The following CADM2 variants were observed in gnomAD, a reference collection of about 807,000 sequenced individuals.
CADM2 encodes the protein cell adhesion molecule 2.
In CADM2, 12 loss-of-function variants were observed where a neutral mutation model predicts 49.8. The ratio of observed to expected loss-of-function variants is 0.24; its 90% confidence interval spans 0.15 to 0.39. CADM2 has a LOEUF of 0.39. Among genes scored for constraint, CADM2 ranks in the 10% least tolerant of loss-of-function variants. CADM2 has a pLI of 1.00. For missense variants in CADM2, 378 were observed against 492.3 expected (o/e 0.77, Z 2.20); for synonymous variants, 214 against 175.4 (o/e 1.22, Z -1.74).
chr3:84,972,701 C>A (rs1050259085), intron 1 of CADM2, among the ~76,000 whole-genome samples: 1 of 151,992 alleles, frequency 6.6e-6, no homozygotes, highest in Non-Finnish European at 1.5e-5. Flanking sequence ...TCTTCATAGC[C>A]TTTGGTTTTC....
At chr3:85,856,522 A>G (rs1028485934) in intron 3 of CADM2, among the ~76,000 whole-genome samples, 2 of 152,200 alleles carry the variant, frequency 1.3e-5, no homozygotes, top group African/African-American at 2.4e-5. Flanking sequence ...CAGAAGCATC[A>G]TAGGCTATTT....
chr3:85,347,507 ATATACACACATATATATAAATG>A (rs2030812897), intron 1 of CADM2, among the ~76,000 whole-genome samples: 2 of 145,720 alleles, frequency 1.4e-5, no homozygotes, highest in East Asian at 2.0e-4. Flanking sequence ...ATATAAATAT[ATATACACACATATATATAAATG>A]TATACACACA....
intron 1 of CADM2, among the ~76,000 whole-genome samples, chr3:85,527,651 G>C (rs1016312324): frequency 8.6e-5 from 13 of 151,432 alleles, no homozygotes; most frequent in African/African-American, 3.1e-4. Context: ...CACTTTTTTA[G>C]TTTCTGATTC....
chr3:85,094,783 A>G (rs1235360907), intron 1 of CADM2, among the ~76,000 whole-genome samples: 1 of 152,170 alleles, frequency 6.6e-6, no homozygotes, highest in African/African-American at 2.4e-5. Context: ...TGATAACACT[A>G]TCCCTAGTGG....
At chr3:85,940,843 T>A (rs1440857599) in intron 7 of CADM2, among the ~76,000 whole-genome samples, 2 of 152,078 alleles carry the variant, frequency 1.3e-5, no homozygotes, top group East Asian at 1.9e-4. Flanking sequence ...TTCCTTTTTT[T>A]AAATTGATGA....
intron 1 of CADM2, among the ~76,000 whole-genome samples, chr3:85,496,197 C>A (rs769314751): frequency 5.9e-5 from 9 of 152,052 alleles, no homozygotes; most frequent in African/African-American, 2.2e-4. Flanking sequence ...CTCTTTTCCT[C>A]TCTCCCTCCT....
chr3:85,399,275 G>A (rs1050651239), intron 1 of CADM2, among the ~76,000 whole-genome samples: 3 of 152,080 alleles, frequency 2.0e-5, no homozygotes, highest in Admixed American at 1.3e-4. Context: ...TTTTTGTCAG[G>A]TTTGTCAAAG....
At chr3:85,313,553 C>A (rs1454042893) in intron 1 of CADM2, among the ~76,000 whole-genome samples, 1 of 152,066 alleles carries the variant, frequency 6.6e-6, no homozygotes, top group Non-Finnish European at 1.5e-5. Flanking sequence ...TGAGAACAAG[C>A]ATTAGTTTCC....
intron 1 of CADM2, among the ~76,000 whole-genome samples, chr3:85,409,542 T>C (rs760714427): frequency 3.3e-5 from 5 of 152,088 alleles, no homozygotes; most frequent in Non-Finnish European, 5.9e-5. Context: ...TCAAATTTTA[T>C]ATTGCCACAG....
chr3:85,558,413 A>G (rs2062014195), intron 1 of CADM2, among the ~76,000 whole-genome samples: 1 of 152,012 alleles, frequency 6.6e-6, no homozygotes, highest in Non-Finnish European at 1.5e-5. Flanking sequence ...AAAATCTACA[A>G]AGAATGATTT....
At chr3:85,655,611 A>AGAGT (rs1026267869) in intron 1 of CADM2, among the ~76,000 whole-genome samples, 16 of 152,238 alleles carry the variant, frequency 1.1e-4, no homozygotes, top group Non-Finnish European at 2.1e-4. Context: ...ATCACCACGT[A>AGAGT]GAGTGAGAAT....
At chr3:86,014,341 G>T in intron 8 of CADM2, 2 of 1,389,088 alleles carry the variant, frequency 1.4e-6, no homozygotes, top group South Asian at 1.7e-5. Flanking sequence ...AATCTCCAGG[G>T]GCAAACCTCT....
intron 2 of CADM2, among the ~76,000 whole-genome samples, chr3:85,754,390 C>A (rs1313667648): frequency 6.6e-6 from 1 of 152,120 alleles, no homozygotes; most frequent in Non-Finnish European, 1.5e-5. Context: ...CTGCTCTGAT[C>A]ATGTCTAACT....
At chr3:85,397,193 A>G (rs2034834146) in intron 1 of CADM2, among the ~76,000 whole-genome samples, 2 of 152,270 alleles carry the variant, frequency 1.3e-5, no homozygotes, top group South Asian at 2.1e-4. Context: ...TTGTAAGTCA[A>G]AATTAGAAGT....
intron 8 of CADM2, among the ~76,000 whole-genome samples, chr3:86,040,514 G>A (rs146377849): frequency 0.038 from 5,770 of 152,140 alleles, 344 homozygotes; most frequent in African/African-American, 0.13. Flanking sequence ...TAAATGAAGC[G>A]AGAAGAGAAA....
chr3:85,390,040 A>G (rs1559815626), intron 1 of CADM2, among the ~76,000 whole-genome samples: 1 of 152,082 alleles, frequency 6.6e-6, no homozygotes, highest in East Asian at 1.9e-4. Flanking sequence ...GTGAATATAC[A>G]TATAAGAAGG....
rs148152781 is a variant in CADM2 at position 85,869,530 on chromosome 3, G to A, written c.239-13761G>A. ...CAGGTGGTCCCATAGATCTCATATG[G>A]GATTTCAACTTTCCTAATTTTTGTG... On this transcript the variant is annotated intron_variant, in intron 3 of 9. Transcript: ENST00000383699. 3.1e-3 allele frequency among the ~76,000 whole-genome samples: 467 copies of A among 151,986 alleles called. 3 individuals are homozygous for A. The highest frequency in any genetic ancestry group is 0.01 in the Middle Eastern group (3 of 294).
chr3:85,227,037 A>T (rs1271611598), intron 1 of CADM2, among the ~76,000 whole-genome samples: 2 of 152,090 alleles, frequency 1.3e-5, no homozygotes, highest in Non-Finnish European at 2.9e-5. Context: ...GGAGTGTTTT[A>T]CTTCCAATAT....
chr3:85,984,294 A>C (rs1286524464), intron 8 of CADM2, among the ~76,000 whole-genome samples: 1 of 151,026 alleles, frequency 6.6e-6, no homozygotes, highest in Non-Finnish European at 1.5e-5. Context: ...CTTTGATATG[A>C]TTTCTAGTAT....
Sources: gnomAD v4.1 joint callset for allele counts (sites outside exome capture counted in the v4.1 genomes callset) on GRCh38, gnomAD v4.1.1 for gene constraint, MANE v1.5 for transcripts, NCBI Gene and HGNC (gene_info 2026-07-23, HGNC 2026-07-21) for gene names.